Variants in BRAP observed in about 807,000 individuals in gnomAD.
BRAP encodes BRCA1 associated protein, also known as BRCA1-associated protein.
BRAP carries 42 observed loss-of-function variants against 73.4 expected under a neutral mutation model. That is an observed-to-expected ratio of 0.57 (90% confidence interval 0.45 to 0.74). The LOEUF is 0.74. BRAP is among the 30% of genes least tolerant of loss of function. BRAP has a pLI of 0.00. For missense variants in BRAP, 593 were observed against 751.4 expected (o/e 0.79, Z 2.46); for synonymous variants, 255 against 267.4 (o/e 0.95, Z 0.45).
rs1435764682 is a variant in BRAP at position 111,642,429 on chromosome 12, C to T, written c.*1770G>A. ...GGCACAGCCTTTCAGAGCATTTATCCCACCTGTACTGAAAAATCTGTTTTC... is the reference window on the plus strand; with the variant it reads ...GGCACAGCCTTTCAGAGCATTTATCTCACCTGTACTGAAAAATCTGTTTTC... On this transcript the variant is annotated 3_prime_UTR_variant, in exon 12 of 12. Transcript: ENST00000419234. The T allele has an allele frequency of 6.6e-6, 1 of 151,964 alleles. No homozygotes were observed. Among genetic ancestry groups the T allele is most frequent in the Non-Finnish European group, 1.5e-5 (1 of 68,036 alleles). 9.4% of individuals were successfully genotyped at this position (151,964 alleles called of 1,614,324 possible). A position where few individuals can be genotyped will look rare whatever the true frequency, so the allele number is the denominator to read the frequency against.
chr12:111,648,665 C>T (rs573852340), intron 11 of BRAP, among the ~76,000 whole-genome samples: 131 of 150,570 alleles, frequency 8.7e-4, no homozygotes, highest in Non-Finnish European at 1.4e-3. Flanking sequence ...CGGTGGCTCA[C>T]GCCTGTAATC....
Position 111,672,628 on chromosome 12 carries a change from T to C in BRAP, c.747+33A>G, listed in dbSNP as rs1015349937. 8 of 1,568,252 alleles carry C rather than the reference T, an allele frequency of 5.1e-6. No individual in the cohort carries two copies. In the African/African-American group the frequency reaches 9.5e-5, roughly 19 times the overall value. ...TTCAATTTTACACCAATCTGATATA[T>C]TTTAATTAAATATAGGAACAATTCA... On this transcript the variant is annotated intron_variant, in intron 5 of 11. Transcript: ENST00000419234.
intron 4 of BRAP, among the ~76,000 whole-genome samples, chr12:111,675,889 G>A (rs1288871383): frequency 6.6e-6 from 1 of 151,998 alleles, no homozygotes; most frequent in Non-Finnish European, 1.5e-5. Context: ...CTATTAAGTG[G>A]TCATCTGTCC....
Position 111,660,532 on chromosome 12 carries a change from C to A in BRAP, c.972+68G>T, listed in dbSNP as rs1269056662. On this transcript the variant is annotated intron_variant, in intron 7 of 11. Coordinates refer to ENST00000419234, the MANE Select transcript of BRAP (RefSeq NM_006768.5). ...TTAAAAATAAAGAACTTAAGTCATA[C>A]CAGGCAGAAGAAAACTCATGACAAT... 5.4e-5 allele frequency: 73 copies of A among 1,343,236 alleles called. 1 individual carries two copies. The East Asian group carries it at 1.2e-3, about 22-fold the overall frequency. The allele number at this position is 1,343,236 out of a possible 1,614,324, so 83.2% of individuals were successfully genotyped here. A position where few individuals can be genotyped will look rare whatever the true frequency, so the allele number is the denominator to read the frequency against.
At chr12:111,674,871 T>C (rs908870637) in intron 4 of BRAP, among the ~76,000 whole-genome samples, 3 of 152,132 alleles carry the variant, frequency 2.0e-5, no homozygotes, top group Non-Finnish European at 4.4e-5. Flanking sequence ...ACGGACTGCC[T>C]GAAAGTCAGG....
intron 10 of BRAP, among the ~76,000 whole-genome samples, chr12:111,654,940 T>C (rs1003438228): frequency 6.6e-6 from 1 of 152,234 alleles, no homozygotes; most frequent in Non-Finnish European, 1.5e-5. Context: ...AGATGCTTAC[T>C]AGTTTTCAGA....
chr12:111,670,032 T>C, intron 5 of BRAP: 1 of 633,876 alleles, frequency 1.6e-6, no homozygotes, highest in South Asian at 1.4e-5. Flanking sequence ...TGGTTCACTA[T>C]CTTCATCTTC....
In BRAP at chr12:111,650,010, T is replaced by C; in HGVS notation, c.1344A>G (p.Thr448=). ...INNMKTKFKE[T]IEKCDNLEHK... ...GCTCTAGATTATCACACTTCTCAAT[T>C]GTTTCTTTAAACTTGGTCTTCATGT... The change falls in exon 11 of 12, where the codon ACA becomes ACG. Residue 448 remains threonine (T), a synonymous_variant. Coordinates refer to ENST00000419234, the MANE Select transcript of BRAP (RefSeq NM_006768.5). 1 of 1,611,190 alleles carries C rather than the reference T, an allele frequency of 6.2e-7. No individual in the cohort carries two copies. Among genetic ancestry groups the C allele is most frequent in the Non-Finnish European group, 8.5e-7 (1 of 1,177,974 alleles).
chr12:111,672,947 C>T (rs1887235714), intron 4 of BRAP, 173 bp from the exon 5 acceptor site: 3 of 575,730 alleles, frequency 5.2e-6, no homozygotes, highest in Non-Finnish European at 6.1e-6. Context: ...AGGCTAATCA[C>T]ACTCTGTAAG....
At chr12:111,675,059 G>A (rs1041957160) in intron 4 of BRAP, among the ~76,000 whole-genome samples, 6 of 152,102 alleles carry the variant, frequency 3.9e-5, no homozygotes, top group African/African-American at 1.4e-4. Flanking sequence ...CCAGGAGTTT[G>A]AGACCAGCCT....
intron 10 of BRAP, among the ~76,000 whole-genome samples, chr12:111,654,997 G>A (rs771751103): frequency 6.6e-5 from 10 of 152,188 alleles, no homozygotes; most frequent in Non-Finnish European, 1.3e-4. Context: ...ACTGGAGACA[G>A]AGCTCTGGGC....
Position 111,643,886 on chromosome 12 carries a change from C to A in BRAP, c.*313G>T. ...CCCCAGAACTGAATGTCAAATACGC[C>A]AACTCCATAAATACAATGGAAAAAT... On this transcript the variant is annotated 3_prime_UTR_variant, in exon 12 of 12. Transcript: ENST00000419234. 3.2e-6 allele frequency: 1 copy of A among 308,250 alleles called. No homozygotes were observed. 19.1% of individuals were successfully genotyped at this position (308,250 alleles called of 1,614,324 possible). A position where few individuals can be genotyped will look rare whatever the true frequency, so the allele number is the denominator to read the frequency against.
At chr12:111,645,107 T>C (rs2046733499) in intron 11 of BRAP, among the ~76,000 whole-genome samples, 1 of 151,866 alleles carries the variant, frequency 6.6e-6, no homozygotes, top group African/African-American at 2.4e-5. Context: ...CTCACTCTGT[T>C]GCCCAGGCTG....
intron 10 of BRAP, among the ~76,000 whole-genome samples, chr12:111,650,564 C>G (rs1886280560): frequency 6.6e-6 from 1 of 152,044 alleles, no homozygotes; most frequent in Non-Finnish European, 1.5e-5. Context: ...CCGTGCCCGG[C>G]CTAATTTTTC....
chr12:111,650,597 G>A (rs1169485986), intron 10 of BRAP, among the ~76,000 whole-genome samples: 5 of 152,008 alleles, frequency 3.3e-5, no homozygotes, highest in African/African-American at 1.2e-4. Context: ...GAGATGCCAC[G>A]TTGGCCAGGC....
rs140474908 is a variant in BRAP, at chr12:111,651,366, C to T, written c.1312-1324G>A. On this transcript the variant is annotated intron_variant, in intron 10 of 11. Transcript: ENST00000419234. ...CAGCCTGGCCAAGATGGCGAAAGCCCGTCTCTACTAAAAATACAAACATTA... is the reference window on the plus strand; with the variant it reads ...CAGCCTGGCCAAGATGGCGAAAGCCTGTCTCTACTAAAAATACAAACATTA... Among the ~76,000 whole-genome samples, 1,485 of 151,850 alleles carry T rather than the reference C, an allele frequency of 9.8e-3. 10 individuals carry two copies. Among genetic ancestry groups the T allele is most frequent in the Non-Finnish European group, 0.016 (1,077 of 67,960 alleles).
chr12:111,683,004 A>T, intron 2 of BRAP, 142 bp downstream of exon 2: 1 of 856,730 alleles, frequency 1.2e-6, no homozygotes, highest in Non-Finnish European at 1.8e-6. Context: ...CATGTGGCTT[A>T]ACAGTGTCAT....
Position 111,665,783 on chromosome 12 carries a change from G to A in BRAP, c.752C>T (p.Ala251Val). 6.2e-7 allele frequency: 1 copy of A among 1,614,176 alleles called. No individual in the cohort carries two copies. Reference sequence around the variant, plus strand: ...AGTCAGGTCCATCACTGGGAGGCTGGCGCCCTACAGGAAACACCTCACATA... The same window carrying A: ...AGTCAGGTCCATCACTGGGAGGCTGACGCCCTACAGGAAACACCTCACATA... ...RAEVLKSEDG[A>V]SLPVMDLTEL... is the part of the protein sequence containing the mutation. Residue 251 changes from alanine to valine, a missense_variant, in exon 6 of 12, where the codon GCC becomes GTC. Around this residue, in one of 4 missense-constraint regions of BRAP, gnomAD observed 304 missense variants for 337.7 expected, o/e 0.90. Transcript: ENST00000419234. The surrounding 1 kb of genome is among the most constrained non-coding windows in gnomAD (Gnocchi z 4.3).
intron 5 of BRAP, among the ~76,000 whole-genome samples, chr12:111,668,845 A>G (rs1320445941): frequency 6.6e-6 from 1 of 151,970 alleles, no homozygotes; most frequent in Non-Finnish European, 1.5e-5. Context: ...TTTAGTAGAG[A>G]TGGGTTTTCA....
Sources: allele counts gnomAD v4.1 joint callset (sites outside exome capture counted in the v4.1 genomes callset), GRCh38; gene constraint gnomAD v4.1.1; regional missense constraint gnomAD v4.1.1; non-coding constraint Gnocchi (gnomAD v3.1); transcripts MANE v1.5; gene names NCBI Gene and HGNC (gene_info 2026-07-23, HGNC 2026-07-21).